Variants in RALYL observed in about 807,000 individuals in gnomAD.
RALYL encodes the protein RALY RNA binding protein like.
In RALYL, 29 loss-of-function variants were observed where a neutral mutation model predicts 35.1. The ratio of observed to expected loss-of-function variants is 0.83; its 90% CI spans 0.61 to 1.13. RALYL has a LOEUF of 1.13. RALYL is among the 50% of genes most tolerant of loss of function. RALYL has a pLI of 0.00. For synonymous variants in RALYL, 120 were observed against 127.6 expected (o/e 0.94, Z 0.40); for missense variants, 359 against 360.4 (o/e 1.00, Z 0.03).
At chr8:84,567,661 T>C (rs562291252) in intron 2 of RALYL, among the ~76,000 whole-genome samples, 3 of 151,642 alleles carry the variant, frequency 2.0e-5, no homozygotes, top group Non-Finnish European at 1.5e-5. Flanking sequence ...CTGTGATAAA[T>C]ATACGAGTGA....
intron 1 of RALYL, among the ~76,000 whole-genome samples, chr8:84,489,537 T>G (rs2055020423): frequency 6.6e-6 from 1 of 152,058 alleles, no homozygotes; most frequent in South Asian, 2.1e-4. Flanking sequence ...CAAAAGACCT[T>G]CAGGCAATTT....
At chr8:84,371,413 T>A (rs1272861000) in intron 1 of RALYL, among the ~76,000 whole-genome samples, 1 of 152,014 alleles carries the variant, frequency 6.6e-6, no homozygotes, top group Non-Finnish European at 1.5e-5. Flanking sequence ...ACTTGGAACT[T>A]ACTTCCTCCT....
At chr8:84,337,718 A>G (rs2130825654) in intron 1 of RALYL, among the ~76,000 whole-genome samples, 1 of 152,248 alleles carries the variant, frequency 6.6e-6, no homozygotes, top group African/African-American at 2.4e-5. Context: ...AACACTAATG[A>G]GTTGTGAGTT....
At chr8:84,602,609 G>T (rs141090417) in intron 2 of RALYL, among the ~76,000 whole-genome samples, 1 of 152,044 alleles carries the variant, frequency 6.6e-6, no homozygotes, top group Non-Finnish European at 1.5e-5. Context: ...TAGTGCAAAC[G>T]TTTAGCATGG....
At position 84,864,843 on chromosome 8, in the gene RALYL, CAG is replaced by C; in HGVS notation, c.571+2395_571+2396del. ...GTCAATGTCATGGTCAGTCACATCC[CAG>C]AGAGTACCCAGAAACAAGGGGCAGC... On this transcript the variant is annotated intron_variant, in intron 6 of 8. Coordinates refer to ENST00000521268, the MANE Select transcript of RALYL (RefSeq NM_173848.7). 3 of 545,348 alleles carry C rather than the reference CAG, an allele frequency of 5.5e-6. 1 individual carries two copies. The highest frequency in any genetic ancestry group is 3.5e-5 in the South Asian group (2 of 56,748). 33.8% of individuals were successfully genotyped at this position (545,348 alleles called of 1,614,324 possible).
At chr8:84,537,828 G>C (rs1321735403) in intron 2 of RALYL, among the ~76,000 whole-genome samples, 3 of 152,074 alleles carry the variant, frequency 2.0e-5, no homozygotes, top group Admixed American at 1.3e-4. Flanking sequence ...AAAGAGAGCA[G>C]GTTTTATGAA....
At chr8:84,474,578 G>A (rs929605202) in intron 1 of RALYL, among the ~76,000 whole-genome samples, 1 of 152,002 alleles carries the variant, frequency 6.6e-6, no homozygotes, top group African/African-American at 2.4e-5. Context: ...GGAACTTCAA[G>A]CTCTGATTAT....
rs763490362 is a variant in RALYL, at chr8:84,921,323, T to A, written c.*412T>A. 2.6e-5 allele frequency: 4 copies of A among 154,288 alleles called. No individual in the cohort carries two copies. In the East Asian group the frequency reaches 5.7e-4, roughly 22 times the overall value. 9.6% of individuals were successfully genotyped at this position (154,288 alleles called of 1,614,324 possible). On this transcript the variant is annotated 3_prime_UTR_variant, in exon 9 of 9. Transcript: ENST00000521268. ...TGTATTTAAAGCTTATTTCCAACAATGTCATGTAAGAAAAGATGCATCTTA... is the reference window on the plus strand; with the variant it reads ...TGTATTTAAAGCTTATTTCCAACAAAGTCATGTAAGAAAAGATGCATCTTA...
At chr8:84,190,087 A>T (rs538581915) in intron 1 of RALYL, among the ~76,000 whole-genome samples, 23 of 152,244 alleles carry the variant, frequency 1.5e-4, no homozygotes, top group Non-Finnish European at 2.9e-4. Flanking sequence ...CTTACTGAGT[A>T]CAAAATGTAA....
At position 84,287,860 on chromosome 8, in the gene RALYL, T is replaced by C. The variant is rs906677557; in HGVS notation, c.-24+103436T>C. Among the ~76,000 whole-genome samples, 10 of 152,304 alleles carry C rather than the reference T, an allele frequency of 6.6e-5. No individual in the cohort carries two copies. The East Asian group carries it at 7.7e-4, about 12-fold the overall frequency. ...AAATATTTTCATTGAGGTTGAGATA[T>C]AACTTTGGAGTCTAGGGCACTCTTG... On this transcript the variant is annotated intron_variant, in intron 1 of 8. Transcript: ENST00000521268.
At chr8:84,628,978 G>A (rs1212807489) in intron 2 of RALYL, among the ~76,000 whole-genome samples, 1 of 151,944 alleles carries the variant, frequency 6.6e-6, no homozygotes, top group Admixed American at 6.6e-5. Flanking sequence ...TGCCATTATA[G>A]ACATCTCAAC....
chr8:84,480,744 A>G (rs1224094544), intron 1 of RALYL, among the ~76,000 whole-genome samples: 1 of 152,162 alleles, frequency 6.6e-6, no homozygotes, highest in Non-Finnish European at 1.5e-5. Flanking sequence ...AGGACTAGTG[A>G]TAGCAGAGAT....
intron 5 of RALYL, among the ~76,000 whole-genome samples, chr8:84,852,225 G>A (rs531592563): frequency 6.6e-6 from 1 of 152,266 alleles, no homozygotes; most frequent in South Asian, 2.1e-4. Context: ...CTTCATTGCT[G>A]CAATGGTCAA....
chr8:84,367,318 A>ATTTGTTTTTG (rs756622990), intron 1 of RALYL, among the ~76,000 whole-genome samples: 5 of 27,400 alleles, frequency 1.8e-4, no homozygotes, highest in Admixed American at 5.1e-4. Flanking sequence ...TAATTTTTGT[A>ATTTGTTTTTG]TTTTTTTTTT....
chr8:84,507,342 A>G (rs1403872760), intron 1 of RALYL, among the ~76,000 whole-genome samples: 1 of 152,072 alleles, frequency 6.6e-6, no homozygotes, highest in African/African-American at 2.4e-5. Context: ...GACCCATTTT[A>G]CTATAATTAA....
At chr8:84,788,462 T>A (rs972916081) in intron 3 of RALYL, among the ~76,000 whole-genome samples, 1 of 152,156 alleles carries the variant, frequency 6.6e-6, no homozygotes, top group East Asian at 1.9e-4. Flanking sequence ...TATTTTAAAA[T>A]TAGACATTTT....
At chr8:84,857,031 T>A (rs1837172639) in intron 5 of RALYL, among the ~76,000 whole-genome samples, 1 of 72,804 alleles carries the variant, frequency 1.4e-5, no homozygotes. Flanking sequence ...CGAGACTCCG[T>A]CTCAGAAAAA....
chr8:84,581,950 A>G (rs1810935404), intron 2 of RALYL, among the ~76,000 whole-genome samples: 2 of 152,184 alleles, frequency 1.3e-5, no homozygotes, highest in Admixed American at 6.5e-5. Context: ...ATTTTATTAC[A>G]TAAGGTCATT....
At chr8:84,731,263 G>C (rs559233581) in intron 2 of RALYL, among the ~76,000 whole-genome samples, 1 of 152,216 alleles carries the variant, frequency 6.6e-6, no homozygotes, top group East Asian at 1.9e-4. Context: ...ATTGAATTCA[G>C]CAAAACTCAT....
Sources: gnomAD v4.1 joint callset for allele counts (sites outside exome capture counted in the v4.1 genomes callset) on GRCh38, gnomAD v4.1.1 for gene constraint, MANE v1.5 for transcripts, NCBI Gene and HGNC (gene_info 2026-07-23, HGNC 2026-07-21) for gene names.